RRAS2: variants seen among roughly 807,000 people sequenced by gnomAD.
The protein encoded by RRAS2 is RAS related 2.
RRAS2 carries 7 observed loss-of-function variants against 27.6 expected under a neutral mutation model. The ratio of observed to expected loss-of-function variants is 0.25; its 90% CI spans 0.14 to 0.48. The LOEUF is 0.48. Among genes scored for constraint, RRAS2 ranks in the 20% least tolerant of loss-of-function variants. The pLI is 0.99. For missense variants in RRAS2, 178 were observed against 256.2 expected (o/e 0.69, Z 2.08); for synonymous variants, 86 against 90.9 (o/e 0.95, Z 0.31).
chr11:14,298,612 G>A (rs948355236), intron 1 of RRAS2, among the ~76,000 whole-genome samples: 1 of 152,132 alleles, frequency 6.6e-6, no homozygotes, highest in Non-Finnish European at 1.5e-5. Flanking sequence ...CAAATTCATT[G>A]TTGGGATTTT....
intron 4 of RRAS2, among the ~76,000 whole-genome samples, chr11:14,293,016 G>A (rs941729862): frequency 4.0e-5 from 6 of 151,214 alleles, no homozygotes; most frequent in Non-Finnish European, 8.8e-5. Flanking sequence ...GCTGAGGCAG[G>A]AGAATGGCGT....
At chr11:14,302,013 A>G (rs571207463) in intron 1 of RRAS2, among the ~76,000 whole-genome samples, 1 of 150,852 alleles carries the variant, frequency 6.6e-6, no homozygotes, top group South Asian at 2.1e-4. Flanking sequence ...AATTCATAAA[A>G]TTTCAAATTT....
intron 4 of RRAS2, among the ~76,000 whole-genome samples, chr11:14,292,891 A>C (rs1050433262): frequency 7.2e-5 from 11 of 151,848 alleles, no homozygotes; most frequent in Non-Finnish European, 1.6e-4. Context: ...GTGGATCACA[A>C]GTTCAGGAGA....
In RRAS2 at chr11:14,358,402, C is replaced by T; in HGVS notation, c.108+361G>A. On this transcript the variant is annotated intron_variant, in intron 1 of 5. Transcript: ENST00000256196. The surrounding 1 kb of genome is among the most constrained non-coding windows in gnomAD (Gnocchi z 5.1). ...GCAGCGCGCGGGGCTCCAGCTCCAG[C>T]CCCACGCCCGGACCCTCGGAGCAGT... 1.0e-6 allele frequency: 1 copy of T among 985,498 alleles called. No individual in the cohort carries two copies. Among genetic ancestry groups the T allele is most frequent in the Non-Finnish European group, 1.2e-6 (1 of 830,054 alleles). The allele number at this position is 985,498 out of a possible 1,614,324, so 61.0% of individuals were successfully genotyped here. A position where few individuals can be genotyped will look rare whatever the true frequency, so the allele number is the denominator to read the frequency against.
intron 1 of RRAS2, among the ~76,000 whole-genome samples, chr11:14,345,353 G>A (rs1848807708): frequency 6.6e-6 from 1 of 152,040 alleles, no homozygotes; most frequent in African/African-American, 2.4e-5. Context: ...GTGTAACAAA[G>A]GTATTCCTAG....
chr11:14,279,770 A>G (rs1357402201), intron 5 of RRAS2, among the ~76,000 whole-genome samples: 1 of 152,200 alleles, frequency 6.6e-6, no homozygotes, highest in Non-Finnish European at 1.5e-5. Flanking sequence ...TAACCTTATG[A>G]GGTATGCAGG....
exon 1 of RRAS2, chr11:14,364,462 G>A: frequency 1.4e-6 from 2 of 1,465,176 alleles, no homozygotes; most frequent in Non-Finnish European, 9.2e-7. Flanking sequence ...ATGAATGGCT[G>A]GCAGAGAATG....
intron 5 of RRAS2, among the ~76,000 whole-genome samples, 191 bp from the exon 6 acceptor site, chr11:14,279,615 G>A (rs1849466909): frequency 6.6e-6 from 1 of 152,084 alleles, no homozygotes; most frequent in Non-Finnish European, 1.5e-5. Flanking sequence ...CACAAGCAGA[G>A]CTATGAAGCT....
chr11:14,337,744 T>G (rs148680290), intron 1 of RRAS2, among the ~76,000 whole-genome samples: 12 of 152,274 alleles, frequency 7.9e-5, no homozygotes, highest in African/African-American at 2.6e-4. Context: ...TTGAAATATA[T>G]AGCCCTTGCA....
At chr11:14,295,507 A>G (rs1316281759) in intron 2 of RRAS2, among the ~76,000 whole-genome samples, 1 of 152,204 alleles carries the variant, frequency 6.6e-6, no homozygotes, top group Admixed American at 6.5e-5. Flanking sequence ...AGTTGTCCCA[A>G]TAAAATCAAC....
intron 1 of RRAS2, among the ~76,000 whole-genome samples, chr11:14,316,970 GGAT>G (rs1554949630): frequency 6.6e-6 from 1 of 152,112 alleles, no homozygotes; most frequent in African/African-American, 2.4e-5. Context: ...GTTGACAGGA[GGAT>G]GACATCAATT....
intron 1 of RRAS2, among the ~76,000 whole-genome samples, chr11:14,340,392 C>T (rs1157668312): frequency 6.6e-6 from 1 of 151,916 alleles, no homozygotes; most frequent in Non-Finnish European, 1.5e-5. Context: ...TGAGCCACCG[C>T]ACTCAGCCAA....
intron 4 of RRAS2, among the ~76,000 whole-genome samples, chr11:14,286,948 T>A (rs1191162926): frequency 1.3e-5 from 2 of 152,224 alleles, no homozygotes; most frequent in African/African-American, 4.8e-5. Flanking sequence ...AAATTTGACA[T>A]GTGAAATTCC....
At chr11:14,352,711 A>C (rs1848981260) in intron 1 of RRAS2, among the ~76,000 whole-genome samples, 1 of 152,052 alleles carries the variant, frequency 6.6e-6, no homozygotes. Flanking sequence ...TCAATTTTAA[A>C]GACCAACTTT....
intron 1 of RRAS2, among the ~76,000 whole-genome samples, chr11:14,323,229 T>G (rs55913249): frequency 0.15 from 22,755 of 152,054 alleles, 1,922 homozygotes; most frequent in African/African-American, 0.2. Context: ...AGAGGATCAC[T>G]TAAGCCCAGG....
At chr11:14,289,231 A>G (rs1433611682) in intron 4 of RRAS2, among the ~76,000 whole-genome samples, 1 of 152,188 alleles carries the variant, frequency 6.6e-6, no homozygotes, top group Admixed American at 6.5e-5. Context: ...TTTAAGTATA[A>G]TAAGTTATTT....
At chr11:14,363,973 G>A (rs782683753), upstream of RRAS2, among the ~76,000 whole-genome samples, 4 of 152,066 alleles carry the variant, frequency 2.6e-5, no homozygotes, top group Non-Finnish European at 4.4e-5. Context: ...GGGAGGCTAA[G>A]GCAGTAGAAT....
intron 1 of RRAS2, among the ~76,000 whole-genome samples, chr11:14,333,737 A>G (rs1276098048): frequency 1.4e-5 from 2 of 145,484 alleles, no homozygotes; most frequent in Non-Finnish European, 3.0e-5. Context: ...CGACTTCCCT[A>G]GGCTCAGGTG....
chr11:14,343,127 A>C (rs1391262440), intron 1 of RRAS2, among the ~76,000 whole-genome samples: 1 of 152,176 alleles, frequency 6.6e-6, no homozygotes, highest in African/African-American at 2.4e-5. Context: ...AACTAAAGTA[A>C]CTCATGTCAG....
Sources: allele counts gnomAD v4.1 joint callset (sites outside exome capture counted in the v4.1 genomes callset), GRCh38; gene constraint gnomAD v4.1.1; non-coding constraint Gnocchi (gnomAD v3.1); transcripts MANE v1.5; gene names NCBI Gene and HGNC (gene_info 2026-07-23, HGNC 2026-07-21).